Variants in SLC8A3 observed in about 807,000 individuals in gnomAD.
SLC8A3 encodes the protein sodium/calcium exchanger 3.
A neutral mutation model predicts 65.4 loss-of-function variants in SLC8A3; 37 were observed. The observed-to-expected ratio is 0.57, with a 90% CI of 0.44 to 0.74. The LOEUF (loss-of-function observed/expected upper bound fraction) is 0.74, where lower values mean the gene tolerates loss of function less well. Among genes scored for constraint, SLC8A3 ranks in the 30% least tolerant of loss-of-function variants. The probability of loss-of-function intolerance (pLI) is 0.00; values close to 1 mark genes in which losing one functional copy is unlikely to be tolerated. For missense variants in SLC8A3, 1,112 were observed against 1,172.1 expected (o/e 0.95, Z 0.75); for synonymous variants, 461 against 444.5 (o/e 1.04, Z -0.47).
chr14:70,093,096 G>A (rs1434371784), intron 2 of SLC8A3, among the ~76,000 whole-genome samples: 2 of 152,190 alleles, frequency 1.3e-5, no homozygotes, highest in Non-Finnish European at 2.9e-5. Flanking sequence ...AGATGGACAA[G>A]GCTTATACCT....
intron 2 of SLC8A3, among the ~76,000 whole-genome samples, chr14:70,129,239 A>T (rs1446683387): frequency 2.6e-5 from 4 of 152,184 alleles, no homozygotes; most frequent in African/African-American, 9.6e-5. Context: ...TTCCTTAGTT[A>T]TATTCCTAGG....
At chr14:70,169,298 C>A (rs947904177) in intron 1 of SLC8A3, among the ~76,000 whole-genome samples, 2 of 152,084 alleles carry the variant, frequency 1.3e-5, no homozygotes, top group Non-Finnish European at 2.9e-5. Flanking sequence ...AAACAGAGGC[C>A]ATGTAAGTTG....
At position 70,126,239 on chromosome 14, in the gene SLC8A3, TTCAA is replaced by T. The variant is rs76183916; in HGVS notation, c.1784+40396_1784+40399del. Among the ~76,000 whole-genome samples the T allele has an allele frequency of 8.7e-4, 132 of 152,070 alleles. 1 individual carries two copies. In the South Asian group the frequency reaches 0.011, roughly 12 times the overall value. On this transcript the variant is annotated intron_variant, in intron 2 of 6. Coordinates refer to ENST00000356921, the MANE Select transcript of SLC8A3 (RefSeq NM_182932.3). ...CTTCAATCAATCAAAACATTGCTTC[TTCAA>T]TCAATCAATCAATCAATCAATAATA...
chr14:70,158,515 T>C (rs1896707747), intron 2 of SLC8A3, among the ~76,000 whole-genome samples: 1 of 152,212 alleles, frequency 6.6e-6, no homozygotes, highest in Admixed American at 6.5e-5. Flanking sequence ...TGGATGTCAC[T>C]TATTTTGAAA....
intron 2 of SLC8A3, among the ~76,000 whole-genome samples, chr14:70,108,411 A>G (rs1172518358): frequency 6.6e-6 from 1 of 151,826 alleles, no homozygotes; most frequent in Non-Finnish European, 1.5e-5. Flanking sequence ...AAAAAAAAAA[A>G]AAAGAAAAAT....
In SLC8A3 at chr14:70,167,331, A is replaced by T; in HGVS notation, c.1092T>A (p.Gly364=). The T allele has an allele frequency of 6.2e-7, 1 of 1,614,184 alleles. No individual in the cohort carries two copies. The highest frequency in any genetic ancestry group is 2.2e-5 in the East Asian group (1 of 44,874). ...YRIQATRMMT[G]AGNILKKHAA... The stretch of plus-strand genomic sequence containing the variant: ...CATGTTTCTTCAGGATATTGCCTGC[A>T]CCAGTCATCATACGAGTGGCTTGGA... Residue 364 remains glycine, a synonymous_variant, in exon 2 of 7, where the codon GGT becomes GGA. Coordinates refer to ENST00000356921, the MANE Select transcript of SLC8A3 (RefSeq NM_182932.3).
intron 2 of SLC8A3, among the ~76,000 whole-genome samples, chr14:70,129,115 C>G (rs180698503): frequency 6.6e-6 from 1 of 152,152 alleles, no homozygotes; most frequent in South Asian, 2.1e-4. Flanking sequence ...AAATATAATT[C>G]CCCTCTATAC....
intron 2 of SLC8A3, among the ~76,000 whole-genome samples, chr14:70,138,443 G>A (rs1406547056): frequency 6.6e-6 from 1 of 152,234 alleles, no homozygotes; most frequent in Non-Finnish European, 1.5e-5. Flanking sequence ...CAGCTTCGAT[G>A]TGACAGATGC....
At chr14:70,185,047 A>G (rs546353163) in intron 1 of SLC8A3, among the ~76,000 whole-genome samples, 1 of 148,268 alleles carries the variant, frequency 6.7e-6, no homozygotes, top group East Asian at 2.0e-4. Flanking sequence ...GCTCACTGCA[A>G]CCTCTGCCTC....
chr14:70,155,775 C>A (rs1896540002), intron 2 of SLC8A3, among the ~76,000 whole-genome samples: 1 of 152,218 alleles, frequency 6.6e-6, no homozygotes, highest in Non-Finnish European at 1.5e-5. Context: ...GAGTTACCAT[C>A]ATCAAAAACA....
intron 2 of SLC8A3, among the ~76,000 whole-genome samples, chr14:70,124,009 T>C (rs1469464756): frequency 6.6e-6 from 1 of 152,196 alleles, no homozygotes; most frequent in Non-Finnish European, 1.5e-5. Flanking sequence ...TATCCAATTG[T>C]ACACAGTGTA....
At chr14:70,087,888 G>A (rs1213168195) in intron 2 of SLC8A3, among the ~76,000 whole-genome samples, 1 of 152,222 alleles carries the variant, frequency 6.6e-6, no homozygotes, top group Non-Finnish European at 1.5e-5. Context: ...GCAAGGAAAT[G>A]TGCTACAAAT....
At chr14:70,131,355 A>G (rs764171672) in intron 2 of SLC8A3, among the ~76,000 whole-genome samples, 17 of 152,238 alleles carry the variant, frequency 1.1e-4, no homozygotes, top group Non-Finnish European at 1.5e-4. Context: ...AGCCTCTGCT[A>G]TGCTTTAGAA....
chr14:70,077,297 C>T (rs1346904684), intron 2 of SLC8A3, among the ~76,000 whole-genome samples: 1 of 152,194 alleles, frequency 6.6e-6, no homozygotes, highest in Non-Finnish European at 1.5e-5. Context: ...TGAGTTTCCA[C>T]AACATCTTTC....
At chr14:70,136,943 C>T (rs1594740986) in intron 2 of SLC8A3, among the ~76,000 whole-genome samples, 1 of 152,152 alleles carries the variant, frequency 6.6e-6, no homozygotes, top group Admixed American at 6.5e-5. Context: ...TAAGGCCCAT[C>T]CTGTTATATC....
At chr14:70,139,917 T>C (rs2140264256) in intron 2 of SLC8A3, among the ~76,000 whole-genome samples, 1 of 152,294 alleles carries the variant, frequency 6.6e-6, no homozygotes, top group South Asian at 2.1e-4. Flanking sequence ...CCCCTTTCCC[T>C]TGAAATTCCC....
intron 2 of SLC8A3, among the ~76,000 whole-genome samples, chr14:70,080,963 G>A (rs1891004386): frequency 1.3e-5 from 2 of 152,196 alleles, no homozygotes; most frequent in East Asian, 1.9e-4. Context: ...CTGGTAAATG[G>A]CAGAGCAGAG....
chr14:70,126,230 C>T (rs1566796341), intron 2 of SLC8A3, among the ~76,000 whole-genome samples: 1 of 150,988 alleles, frequency 6.6e-6, no homozygotes, highest in South Asian at 2.1e-4. Context: ...TCAATCAAAA[C>T]ATTGCTTCTT....
rs959931886 is a variant in SLC8A3, at chr14:70,188,657, G to C, written c.-341C>G. ...GGCCAGGGCGAGGGGCCCCGGGAGG[G>C]GTCCTTCCGCACGGATTTCAGAAAG... On this transcript the variant is annotated 5_prime_UTR_variant, in exon 1 of 7. Coordinates refer to ENST00000356921, the MANE Select transcript of SLC8A3 (RefSeq NM_182932.3). 1.3e-5 allele frequency: 2 copies of C among 152,262 alleles called. No homozygotes were observed. Among genetic ancestry groups the C allele is most frequent in the African/African-American group, 4.8e-5 (2 of 41,464 alleles). The allele number at this position is 152,262 out of a possible 1,614,324, so 9.4% of individuals were successfully genotyped here.
Sources: allele counts gnomAD v4.1 joint callset (sites outside exome capture counted in the v4.1 genomes callset), GRCh38; gene constraint gnomAD v4.1.1; transcripts MANE v1.5; gene names NCBI Gene and HGNC (gene_info 2026-07-23, HGNC 2026-07-21).